The following ZMYND19 variants were observed in gnomAD, a reference collection of about 807,000 sequenced individuals.
ZMYND19 encodes zinc finger MYND-type containing 19.
ZMYND19 carries 17 observed loss-of-function variants against 32.0 expected under a neutral mutation model. The observed-to-expected ratio is 0.53, with a 90% CI of 0.36 to 0.80. The LOEUF (loss-of-function observed/expected upper bound fraction) is 0.80. Ranked by LOEUF, ZMYND19 falls within the 30% of genes least tolerant of loss-of-function variation. The pLI, the probability that ZMYND19 is intolerant of heterozygous loss-of-function variation, is 0.00. For synonymous variants in ZMYND19, 124 were observed against 113.6 expected, an observed-to-expected ratio of 1.09 and a Z score of -0.58; for missense variants, 250 against 293.6, an observed-to-expected ratio of 0.85 and a Z score of 1.09.
intron 1 of ZMYND19, chr9:137,589,745 C>T: frequency 1.0e-6 from 1 of 985,490 alleles, no homozygotes; most frequent in Non-Finnish European, 1.2e-6. Context: ...AACTGGGAGG[C>T]ACAGAAGAGC....
At chr9:137,587,444 C>A in intron 3 of ZMYND19, 1 of 592,028 alleles carries the variant, frequency 1.7e-6, no homozygotes, top group Non-Finnish European at 3.0e-6. Flanking sequence ...ACCGGGGGGG[C>A]TCGGCAAAAC....
chr9:137,589,295 G>A (rs572981772), intron 1 of ZMYND19: 1 of 980,558 alleles, frequency 1.0e-6, no homozygotes. Context: ...CTCCTCCCCA[G>A]CAGGCCCTGC....
chr9:137,587,144 A>G, intron 3 of ZMYND19, 37 bp from the exon 4 acceptor site: 1 of 1,593,148 alleles, frequency 6.3e-7, no homozygotes, highest in South Asian at 1.1e-5. Flanking sequence ...CTAACCCTGC[A>G]TCGCTGCCTC....
At position 137,582,291 on chromosome 9, in the gene ZMYND19, G is replaced by A. The variant is rs1842155217; in HGVS notation, c.*252C>T. The stretch of plus-strand genomic sequence containing the variant: ...CTCCCCCCCAAAAAAAACTGTACAT[G>A]AGTTTACAAACATATTAACATATAA... On this transcript the variant is annotated 3_prime_UTR_variant, in exon 6 of 6. Coordinates refer to ENST00000298585, the MANE Select transcript of ZMYND19 (RefSeq NM_138462.3). The A allele has an allele frequency of 5.0e-6, 2 of 403,232 alleles. No individual in the cohort carries two copies. Among genetic ancestry groups the A allele is most frequent in the African/African-American group, 4.1e-5 (2 of 48,572 alleles). 25.0% of individuals were successfully genotyped at this position (403,232 alleles called of 1,614,324 possible).
At chr9:137,586,392 C>T (rs867327646) in intron 4 of ZMYND19, among the ~76,000 whole-genome samples, 2 of 149,736 alleles carry the variant, frequency 1.3e-5, no homozygotes, top group Non-Finnish European at 3.0e-5. Context: ...AGGAAGGAAT[C>T]CTGAGGTGAG....
Sources: allele counts gnomAD v4.1 joint callset (sites outside exome capture counted in the v4.1 genomes callset), GRCh38; gene constraint gnomAD v4.1.1; transcripts MANE v1.5; gene names NCBI Gene and HGNC (gene_info 2026-07-23, HGNC 2026-07-21).